Variants in CCSER1 observed in about 807,000 individuals in gnomAD.
The protein encoded by CCSER1 is serine-rich coiled-coil domain-containing protein 1.
Under a neutral mutation model 82.0 loss-of-function variants are expected in CCSER1, and 41 were observed. The observed-to-expected ratio is 0.50, with a 90% CI of 0.39 to 0.65. CCSER1 has a LOEUF of 0.65. CCSER1 is among the 30% of genes least tolerant of loss of function. The pLI is 0.00. For missense variants in CCSER1, 1,119 were observed against 1,064.2 expected, an observed-to-expected ratio of 1.05 and a Z score of -0.72; for synonymous variants, 414 against 383.9, an observed-to-expected ratio of 1.08 and a Z score of -0.92.
intron 10 of CCSER1, among the ~76,000 whole-genome samples, chr4:91,092,817 G>A (rs749963499): frequency 5.9e-5 from 9 of 152,160 alleles, no homozygotes; most frequent in Non-Finnish European, 1.3e-4. Flanking sequence ...GGCTGTGACT[G>A]ATGCCCGGTA....
At position 90,448,420 on chromosome 4, in the gene CCSER1, CT is replaced by C. The variant is rs1256960248; in HGVS notation, c.1604-19805del. 7.7e-5 allele frequency among the ~76,000 whole-genome samples: 7 copies of C among 90,688 alleles called. No homozygotes were observed. In the Admixed American group the frequency reaches 8.6e-4, roughly 11 times the overall value. The allele number at this position is 90,688 out of a possible 152,430, so 59.5% of individuals were successfully genotyped here. Reference sequence around the variant, plus strand: ...GAGAGTCAGCATATTTATCAGACTGCTTTTTTTTTCTCTAGGTGAATTGAAT... The same window carrying C: ...GAGAGTCAGCATATTTATCAGACTGCTTTTTTTTCTCTAGGTGAATTGAAT... On this transcript the variant is annotated intron_variant, in intron 4 of 10. Transcript: ENST00000509176.
intron 1 of CCSER1, among the ~76,000 whole-genome samples, chr4:90,274,063 G>A (rs1727085638): frequency 6.6e-6 from 1 of 152,180 alleles, no homozygotes; most frequent in Non-Finnish European, 1.5e-5. Flanking sequence ...AAAAACATCT[G>A]TAGGTGCATA....
At chr4:91,345,420 T>C (rs1199016924) in intron 10 of CCSER1, among the ~76,000 whole-genome samples, 2 of 152,026 alleles carry the variant, frequency 1.3e-5, no homozygotes, top group Non-Finnish European at 2.9e-5. Flanking sequence ...AAAGAAACTC[T>C]ATGAGCAATA....
At chr4:90,673,649 G>A (rs1046947502) in intron 6 of CCSER1, among the ~76,000 whole-genome samples, 2 of 151,848 alleles carry the variant, frequency 1.3e-5, no homozygotes, top group Non-Finnish European at 2.9e-5. Flanking sequence ...TCTCCACAAA[G>A]GTAGCAGGTA....
intron 10 of CCSER1, among the ~76,000 whole-genome samples, chr4:91,392,519 A>G (rs1318008558): frequency 6.6e-6 from 1 of 152,130 alleles, no homozygotes; most frequent in Non-Finnish European, 1.5e-5. Flanking sequence ...CCAGCTAAAG[A>G]TGAAATTTCT....
rs555360778 is a variant in CCSER1 at position 90,275,133 on chromosome 4, T to G, written c.-41-33111T>G. 1.1e-4 allele frequency among the ~76,000 whole-genome samples: 16 copies of G among 152,274 alleles called. 1 individual carries two copies. The South Asian group carries it at 3.3e-3, about 32-fold the overall frequency. On this transcript the variant is annotated intron_variant, in intron 1 of 10. Coordinates refer to ENST00000509176, the MANE Select transcript of CCSER1 (RefSeq NM_001145065.2). The stretch of plus-strand genomic sequence containing the variant: ...TTATTTTCCCTGGGTAGATAGAAAT[T>G]CATTGGAAGACTTTATAAGTAGCCA...
intron 1 of CCSER1, among the ~76,000 whole-genome samples, chr4:90,218,262 C>T (rs1741479149): frequency 6.6e-6 from 1 of 152,124 alleles, no homozygotes; most frequent in Non-Finnish European, 1.5e-5. Flanking sequence ...AACCTTACAT[C>T]TCAGGAATGA....
At chr4:91,339,666 A>G (rs1439158483) in intron 10 of CCSER1, among the ~76,000 whole-genome samples, 1 of 151,876 alleles carries the variant, frequency 6.6e-6, no homozygotes, top group Non-Finnish European at 1.5e-5. Context: ...TCAGAATAAT[A>G]CTCATGATGT....
At chr4:91,550,788 T>A (rs1175244164) in intron 10 of CCSER1, among the ~76,000 whole-genome samples, 1 of 152,184 alleles carries the variant, frequency 6.6e-6, no homozygotes, top group Non-Finnish European at 1.5e-5. Context: ...TTATTGATAT[T>A]AGAATTTTGC....
At chr4:90,633,019 TA>T (rs1560850185) in intron 6 of CCSER1, among the ~76,000 whole-genome samples, 1 of 152,112 alleles carries the variant, frequency 6.6e-6, no homozygotes, top group Non-Finnish European at 1.5e-5. Context: ...TAACAGTCTA[TA>T]TTTCCTCTAT....
intron 10 of CCSER1, among the ~76,000 whole-genome samples, chr4:91,288,801 C>A (rs1376843471): frequency 6.6e-6 from 1 of 151,950 alleles, no homozygotes; most frequent in East Asian, 1.9e-4. Context: ...GGGACAGATA[C>A]AAAAATACAT....
intron 10 of CCSER1, among the ~76,000 whole-genome samples, chr4:91,155,337 C>A (rs1446170503): frequency 6.6e-6 from 1 of 151,888 alleles, no homozygotes; most frequent in Non-Finnish European, 1.5e-5. Flanking sequence ...TGTAAGATGG[C>A]TTTTTGCTCT....
At chr4:91,304,989 A>G (rs139919288) in intron 10 of CCSER1, among the ~76,000 whole-genome samples, 1 of 152,110 alleles carries the variant, frequency 6.6e-6, no homozygotes, top group Non-Finnish European at 1.5e-5. Flanking sequence ...TTTCTTTGTC[A>G]CAGCCAGGCA....
chr4:91,035,309 T>C (rs763338129), intron 9 of CCSER1, among the ~76,000 whole-genome samples: 2 of 151,990 alleles, frequency 1.3e-5, no homozygotes, highest in African/African-American at 2.4e-5. Context: ...AAAAGATGAA[T>C]TGGTCATGAG....
At chr4:90,397,971 C>G (rs140514708) in intron 3 of CCSER1, among the ~76,000 whole-genome samples, 8 of 152,284 alleles carry the variant, frequency 5.3e-5, no homozygotes, top group Non-Finnish European at 1.5e-5. Flanking sequence ...GCTGCCATAA[C>G]AAAATACTAC....
chr4:91,187,735 T>A (rs1207181948), intron 10 of CCSER1, among the ~76,000 whole-genome samples: 1 of 152,158 alleles, frequency 6.6e-6, no homozygotes, highest in Non-Finnish European at 1.5e-5. Flanking sequence ...GTGTTTTTAG[T>A]AGAGCTGTGG....
intron 4 of CCSER1, among the ~76,000 whole-genome samples, chr4:90,462,176 CA>C (rs1158125148): frequency 2.7e-5 from 4 of 146,912 alleles, no homozygotes; most frequent in African/African-American, 1.1e-4. Flanking sequence ...TTTACAATAC[CA>C]AAATGTCATT....
In CCSER1 at chr4:90,710,645, T is replaced by A. The variant is rs531844228; in HGVS notation, c.1933-13269T>A. ...GTTGAAGATCAGATAGTTGTACATG[T>A]GTGATCTTATTTTTGAGTTCTCTCT... On this transcript the variant is annotated intron_variant, in intron 6 of 10. Transcript: ENST00000509176. Among the ~76,000 whole-genome samples the A allele has an allele frequency of 6.6e-5, 10 of 152,252 alleles. No homozygotes were observed. The South Asian group carries it at 2.1e-3, about 32-fold the overall frequency.
intron 9 of CCSER1, among the ~76,000 whole-genome samples, chr4:91,013,098 C>A (rs973068027): frequency 7.4e-6 from 1 of 134,572 alleles, no homozygotes; most frequent in African/African-American, 2.5e-5. Flanking sequence ...GCTGTTTATT[C>A]ATTGTTTTGA....
Sources: allele counts gnomAD v4.1 joint callset (sites outside exome capture counted in the v4.1 genomes callset), GRCh38; gene constraint gnomAD v4.1.1; transcripts MANE v1.5; gene names NCBI Gene and HGNC (gene_info 2026-07-23, HGNC 2026-07-21).